Variants in SPMIP7 observed in about 807,000 individuals in gnomAD.
SPMIP7 encodes the protein protein SPMIP7.
chr7:50,141,727 C>CTTTTATTTTTTTTTT, the SPMIP7 span: 1 of 76,856 alleles, frequency 1.3e-5, no homozygotes, highest in Non-Finnish European at 2.3e-5. Flanking sequence ...AGAGGAATCA[C>CTTTTATTTTTTTTTT]TTTTTTTTTT....
the SPMIP7 span, among the ~76,000 whole-genome samples, chr7:50,152,430 A>G: frequency 1.3e-5 from 2 of 152,220 alleles, no homozygotes; most frequent in Admixed American, 6.5e-5. Flanking sequence ...GAAGGAGCAC[A>G]TGGTTACTCA....
At chr7:50,151,365 A>G in the SPMIP7 span, 2 of 1,052,686 alleles carry the variant, frequency 1.9e-6, no homozygotes, top group Non-Finnish European at 2.8e-6. Context: ...TATATTTTTC[A>G]TATTTGGGTG....
At chr7:50,124,308 T>C in the SPMIP7 span, among the ~76,000 whole-genome samples, 1 of 152,158 alleles carries the variant, frequency 6.6e-6, no homozygotes, top group Non-Finnish European at 1.5e-5. Context: ...GGTTTTAACA[T>C]CTTTGTCTAC....
At chr7:50,108,883 C>T in the SPMIP7 span, among the ~76,000 whole-genome samples, 2 of 152,126 alleles carry the variant, frequency 1.3e-5, no homozygotes, top group African/African-American at 4.8e-5. Flanking sequence ...TGTAAAATGC[C>T]TCTTAGGACA....
At chr7:50,159,194 C>T in the SPMIP7 span, 1 of 1,547,388 alleles carries the variant, frequency 6.5e-7, no homozygotes, top group South Asian at 1.2e-5. Flanking sequence ...CGCGGGCTGT[C>T]CAGGCCTCCG....
At chr7:50,105,341 C>T in the SPMIP7 span, among the ~76,000 whole-genome samples, 4 of 152,110 alleles carry the variant, frequency 2.6e-5, no homozygotes, top group African/African-American at 7.2e-5. Flanking sequence ...TCAAGAAAAC[C>T]CATATTCATT....
At chr7:50,111,567 A>G in the SPMIP7 span, among the ~76,000 whole-genome samples, 10 of 152,224 alleles carry the variant, frequency 6.6e-5, no homozygotes, top group East Asian at 1.5e-3. Flanking sequence ...GCCCTTCCCT[A>G]TTGGCACAGC....
At chr7:50,140,751 G>A in the SPMIP7 span, among the ~76,000 whole-genome samples, 5 of 152,208 alleles carry the variant, frequency 3.3e-5, no homozygotes, top group Non-Finnish European at 4.4e-5. Context: ...TCATTACTCG[G>A]CCTCTTCAGT....
chr7:50,121,734 A>G, the SPMIP7 span, among the ~76,000 whole-genome samples: 2 of 151,714 alleles, frequency 1.3e-5, no homozygotes, highest in South Asian at 4.2e-4. Context: ...GCTCACTGCA[A>G]CCTCCGCCTC....
At chr7:50,112,824 A>T in the SPMIP7 span, among the ~76,000 whole-genome samples, 3 of 152,062 alleles carry the variant, frequency 2.0e-5, no homozygotes, top group Non-Finnish European at 2.9e-5. Flanking sequence ...AGTTCTGGGA[A>T]GCCAAGGAAT....
chr7:50,131,671 T>G, the SPMIP7 span, among the ~76,000 whole-genome samples: 1 of 151,394 alleles, frequency 6.6e-6, no homozygotes, highest in Non-Finnish European at 1.5e-5. Context: ...AGATGAAGAG[T>G]CTAGGTCCTG....
chr7:50,153,039 T>A, the SPMIP7 span, among the ~76,000 whole-genome samples: 1 of 152,162 alleles, frequency 6.6e-6, no homozygotes, highest in African/African-American at 2.4e-5. Context: ...TTCAAGACAC[T>A]GAAGATACAG....
chr7:50,145,659 T>TATATAC, the SPMIP7 span, among the ~76,000 whole-genome samples: 3 of 111,970 alleles, frequency 2.7e-5, no homozygotes, highest in Admixed American at 8.9e-5. Context: ...TATATATATA[T>TATATAC]ACATCTTACA....
At chr7:50,139,549 G>T in the SPMIP7 span, among the ~76,000 whole-genome samples, 3 of 152,094 alleles carry the variant, frequency 2.0e-5, no homozygotes, top group East Asian at 3.8e-4. Flanking sequence ...AGCTCAGGGA[G>T]ATGATAATTT....
chr7:50,123,111 T>C, the SPMIP7 span, among the ~76,000 whole-genome samples: 3 of 134,886 alleles, frequency 2.2e-5, no homozygotes, highest in Non-Finnish European at 4.7e-5. Flanking sequence ...TAAAGACACA[T>C]GCACACGTAT....
chr7:50,151,322 A>G, the SPMIP7 span: 2 of 765,922 alleles, frequency 2.6e-6, no homozygotes, highest in Non-Finnish European at 4.2e-6. Context: ...CACACCTCAT[A>G]CAGGAAAAAA....
At chr7:50,153,408 C>G in the SPMIP7 span, among the ~76,000 whole-genome samples, 1 of 152,220 alleles carries the variant, frequency 6.6e-6, no homozygotes. Context: ...TTCACTCACC[C>G]ATTTGCTGGT....
At chr7:50,141,013 T>G in the SPMIP7 span, among the ~76,000 whole-genome samples, 2 of 152,220 alleles carry the variant, frequency 1.3e-5, no homozygotes, top group Non-Finnish European at 2.9e-5. Context: ...AGCCCGCTTC[T>G]TTGTTCAGAA....
At chr7:50,150,629 C>T in the SPMIP7 span, among the ~76,000 whole-genome samples, 2 of 152,186 alleles carry the variant, frequency 1.3e-5, no homozygotes, top group Non-Finnish European at 2.9e-5. Flanking sequence ...GCCTTACCCA[C>T]CTCCTAGGAA....
Sources: allele counts gnomAD v4.1 joint callset (sites outside exome capture counted in the v4.1 genomes callset), GRCh38; gene constraint gnomAD v4.1.1; transcripts MANE v1.5; gene names NCBI Gene and HGNC (gene_info 2026-07-23, HGNC 2026-07-21).